Variants in TRIM8 observed in about 807,000 individuals in gnomAD.
TRIM8 encodes the protein tripartite motif containing 8.
TRIM8 carries 9 observed loss-of-function variants against 55.7 expected under a neutral mutation model. The observed-to-expected ratio is 0.16, with a 90% confidence interval of 0.10 to 0.28. TRIM8 has a LOEUF of 0.28. Ranked by LOEUF, TRIM8 falls within the 10% of genes least tolerant of loss-of-function variation. TRIM8 has a pLI of 1.00. For synonymous variants in TRIM8, 335 were observed against 333.3 expected (o/e 1.01, Z -0.06); for missense variants, 556 against 736.4 (o/e 0.76, Z 2.83).
At chr10:102,655,397 A>T in intron 3 of TRIM8, 84 bp downstream of exon 3, 1 of 1,271,968 alleles carries the variant, frequency 7.9e-7, no homozygotes, top group Non-Finnish European at 1.1e-6. Context: ...CCTGTAGCTC[A>T]CATGCCCTTA....
In TRIM8 at chr10:102,657,573, G is replaced by A; in HGVS notation, c.*219G>A. 1.8e-6 allele frequency: 1 copy of A among 567,708 alleles called. No individual in the cohort carries two copies. The highest frequency in any genetic ancestry group is 2.9e-6 in the Non-Finnish European group (1 of 343,934). The allele number at this position is 567,708 out of a possible 1,614,324, so 35.2% of individuals were successfully genotyped here. On this transcript the variant is annotated 3_prime_UTR_variant, in exon 6 of 6. Transcript: ENST00000643721. ...GACGCAGAGGTGACAGTGGGAGCTG[G>A]CCTGGGCCAGGACGGCAGGTGGCCC...
In TRIM8 at chr10:102,652,755, G is replaced by C. The variant is rs143628115; in HGVS notation, c.571-1898G>C. On this transcript the variant is annotated intron_variant, in intron 1 of 5. Coordinates refer to ENST00000643721, the MANE Select transcript of TRIM8 (RefSeq NM_030912.3). ...TAGTATCTGAGACTAGTGATACGTA[G>C]GTACTGGGCACTTGAAATGAGGTTG... 3.9e-3 allele frequency among the ~76,000 whole-genome samples: 599 copies of C among 152,052 alleles called. 1 individual carries two copies. Among genetic ancestry groups the C allele is most frequent in the Middle Eastern group, 6.8e-3 (2 of 294 alleles).
Position 102,656,191 on chromosome 10 carries a change from G to C in TRIM8, c.932+54G>C, listed in dbSNP as rs548505881. The C allele has an allele frequency of 7.4e-6, 12 of 1,614,112 alleles. No individual in the cohort carries two copies. The African/African-American group carries it at 1.1e-4, about 14-fold the overall frequency. Reference sequence around the variant, plus strand: ...GGCACATCCTGGGGAGGGCAGGGGGGCCAGGCCCATGGCGGGGAGGTAGGG... The same window carrying C: ...GGCACATCCTGGGGAGGGCAGGGGGCCCAGGCCCATGGCGGGGAGGTAGGG... On this transcript the variant is annotated intron_variant, in intron 4 of 5. Transcript: ENST00000643721. The surrounding 1 kb of genome is among the most constrained non-coding windows in gnomAD (Gnocchi z 4.6).
Position 102,656,862 on chromosome 10 carries a change from C to A in TRIM8, c.1164C>A (p.Phe388Leu). The A allele has an allele frequency of 6.4e-7, 1 of 1,563,494 alleles. No homozygotes were observed. The highest frequency in any genetic ancestry group is 8.6e-7 in the Non-Finnish European group (1 of 1,156,656). Residue 388 changes from phenylalanine (F) to leucine (L), a missense_variant, in exon 6 of 6, where the codon TTC becomes TTA. Transcript: ENST00000643721. This position sits in a 1 kb window ranked among gnomAD's most constrained non-coding sequence, Gnocchi z 4.6. ...KHSTAFPEASFLETSSGPVGG... is the reference protein window; with the variant it reads ...KHSTAFPEASLLETSSGPVGG... ...CAACGGCCTTCCCAGAGGCCAGTTT[C>A]CTAGAGACGTCGTCGGGCCCTGTGG...
chr10:102,649,778 G>T (rs1160001077), intron 1 of TRIM8, among the ~76,000 whole-genome samples: 1 of 152,218 alleles, frequency 6.6e-6, no homozygotes, highest in African/African-American at 2.4e-5. Flanking sequence ...CTGGGGTTCA[G>T]TTCACATGAT....
chr10:102,655,642 A>G (rs1024290516), intron 3 of TRIM8, among the ~76,000 whole-genome samples: 2 of 152,220 alleles, frequency 1.3e-5, no homozygotes, highest in African/African-American at 4.8e-5. Context: ...GATGTTAGGC[A>G]ATTTATGGTC....
In TRIM8 at chr10:102,656,351, C is replaced by T. The variant is rs2064024922; in HGVS notation, c.1014C>T (p.Ala338=). 3.7e-6 allele frequency: 6 copies of T among 1,613,872 alleles called. No homozygotes were observed. The Admixed American group carries it at 5.0e-5, about 13-fold the overall frequency. ...LNSKLFLNEV[A]KKEKQLRKML... Reference sequence around the variant, plus strand: ...CCAAGCTCTTCCTGAACGAAGTGGCCAAGAAGGAGAAGCAGCTGCGGAAAA... The same window carrying T: ...CCAAGCTCTTCCTGAACGAAGTGGCTAAGAAGGAGAAGCAGCTGCGGAAAA... Residue 338 remains alanine, a synonymous_variant, in exon 5 of 6, where the codon GCC becomes GCT. Transcript: ENST00000643721. The surrounding 1 kb of genome is among the most constrained non-coding windows in gnomAD (Gnocchi z 4.6).
At position 102,654,719 on chromosome 10, in the gene TRIM8, A is replaced by C. The variant is rs1286637597; in HGVS notation, c.637A>C (p.Lys213Gln). Reference protein sequence around the residue: ...REQDIEDQLYKLESDKRLVEE... With the variant: ...REQDIEDQLYQLESDKRLVEE... ...GCAGGACATTGAGGACCAGCTGTAC[A>C]AACTCGAGTCAGACAAGCGCCTGGT... Residue 213 changes from lysine to glutamine, a missense_variant, in exon 2 of 6, where the codon AAA (lysine) becomes CAA (glutamine). By Grantham distance (53) the Lys-to-Gln change is moderately conservative (BLOSUM62 1). This residue lies in a region of TRIM8 where 165 missense variants were observed against 295.3 expected (regional missense o/e 0.56). Coordinates refer to ENST00000643721, the MANE Select transcript of TRIM8 (RefSeq NM_030912.3). 1.9e-6 allele frequency: 3 copies of C among 1,614,180 alleles called. No individual in the cohort carries two copies. Among genetic ancestry groups the C allele is most frequent in the Non-Finnish European group, 1.7e-6 (2 of 1,180,006 alleles).
Position 102,657,374 on chromosome 10 carries a change from C to T in TRIM8, c.*20C>T, listed in dbSNP as rs767767471. 6 of 1,532,918 alleles carry T rather than the reference C, an allele frequency of 3.9e-6. No homozygotes were observed. Among genetic ancestry groups the T allele is most frequent in the East Asian group, 4.6e-5 (2 of 43,946 alleles). 95.0% of individuals were successfully genotyped at this position (1,532,918 alleles called of 1,614,324 possible). On this transcript the variant is annotated 3_prime_UTR_variant, in exon 6 of 6. Transcript: ENST00000643721. ...AGCTAACGCCACGCAGGCGGCGGGGCGCTGGGGAATCTTCCTCCCCAGCCC... is the reference window on the plus strand; with the variant it reads ...AGCTAACGCCACGCAGGCGGCGGGGTGCTGGGGAATCTTCCTCCCCAGCCC...
intron 1 of TRIM8, among the ~76,000 whole-genome samples, chr10:102,650,602 G>T (rs1047770866): frequency 6.6e-6 from 1 of 152,190 alleles, no homozygotes; most frequent in African/African-American, 2.4e-5. Flanking sequence ...TCCAGTGTAC[G>T]CAGTCCAGGC....
intron 1 of TRIM8, among the ~76,000 whole-genome samples, chr10:102,648,932 C>T (rs994387905): frequency 6.6e-6 from 1 of 152,204 alleles, no homozygotes; most frequent in Non-Finnish European, 1.5e-5. Context: ...CCCACCCCTA[C>T]CCCAGGATCC....
rs2064042748 is a variant in TRIM8 at position 102,657,952 on chromosome 10, C to G, written c.*598C>G. 1 of 152,576 alleles carries G rather than the reference C, an allele frequency of 6.6e-6. No homozygotes were observed. 9.5% of individuals were successfully genotyped at this position (152,576 alleles called of 1,614,324 possible). A position where few individuals can be genotyped will look rare whatever the true frequency, so the allele number is the denominator to read the frequency against. On this transcript the variant is annotated 3_prime_UTR_variant, in exon 6 of 6. Coordinates refer to ENST00000643721, the MANE Select transcript of TRIM8 (RefSeq NM_030912.3). ...AGTTCAAAGGCCACTTCTCAAGCAG[C>G]TTTTGGCACCTTCAGCCTCAGAGTG...
chr10:102,654,085 A>T (rs1287746270), intron 1 of TRIM8: 1 of 153,290 alleles, frequency 6.5e-6, no homozygotes, highest in Admixed American at 6.5e-5. Flanking sequence ...TCTGTACAGG[A>T]AAAGTGTTTA....
chr10:102,648,849 C>G (rs2063957135), intron 1 of TRIM8, among the ~76,000 whole-genome samples: 1 of 152,130 alleles, frequency 6.6e-6, no homozygotes, highest in South Asian at 2.1e-4. Context: ...ACCCCCGAGT[C>G]TTCGTGGAAG....
Position 102,647,645 on chromosome 10 carries a change from C to A in TRIM8, c.570+2458C>A, listed in dbSNP as rs558658781. Among the ~76,000 whole-genome samples, 205 of 152,246 alleles carry A rather than the reference C, an allele frequency of 1.3e-3. 1 individual carries two copies. The highest frequency in any genetic ancestry group is 4.8e-3 in the African/African-American group (198 of 41,544). ...TCTTCCTTGGCCCCTTTTCTCTTCCCGGAGGGAGTCTGCCTTAAAGGGCCT... is the reference window on the plus strand; with the variant it reads ...TCTTCCTTGGCCCCTTTTCTCTTCCAGGAGGGAGTCTGCCTTAAAGGGCCT... On this transcript the variant is annotated intron_variant, in intron 1 of 5. Transcript: ENST00000643721.
At chr10:102,647,837 C>T (rs983814923) in intron 1 of TRIM8, among the ~76,000 whole-genome samples, 6 of 152,210 alleles carry the variant, frequency 3.9e-5, no homozygotes, top group African/African-American at 9.7e-5. Context: ...ATAGGAAACT[C>T]TGATTAACCC....
In TRIM8 at chr10:102,657,405, C is replaced by A; in HGVS notation, c.*51C>A. On this transcript the variant is annotated 3_prime_UTR_variant, in exon 6 of 6. Coordinates refer to ENST00000643721, the MANE Select transcript of TRIM8 (RefSeq NM_030912.3). ...GGAATCTTCCTCCCCAGCCCCCGGG[C>A]TCGGGAGTTATGCATCCAGAGACCT... The A allele has an allele frequency of 1.3e-6, 2 of 1,516,546 alleles. No individual in the cohort carries two copies. The highest frequency in any genetic ancestry group is 2.2e-5 in the Admixed American group (1 of 45,252). The allele number at this position is 1,516,546 out of a possible 1,614,324, so 93.9% of individuals were successfully genotyped here. A position where few individuals can be genotyped will look rare whatever the true frequency, so the allele number is the denominator to read the frequency against.
In TRIM8 at chr10:102,644,726, G is replaced by A; in HGVS notation, c.109G>A (p.Gly37Ser). The A allele has an allele frequency of 6.2e-7, 1 of 1,613,434 alleles. No individual in the cohort carries two copies. The highest frequency in any genetic ancestry group is 1.1e-5 in the South Asian group (1 of 91,056). ...GCCGTGCAAACACAACTTCTGCCGG[G>A]GCTGCATCGGCGAGGCGTGGGCCAA... is the stretch of plus-strand genomic sequence containing the variant. ...QLPCKHNFCR[G>S]CIGEAWAKDS... The change falls in exon 1 of 6, where the codon GGC becomes AGC. Residue 37 changes from glycine (G) to serine (S), a missense_variant. Gly to Ser is a moderately conservative substitution (Grantham distance 56). Coordinates refer to ENST00000643721, the MANE Select transcript of TRIM8 (RefSeq NM_030912.3).
At chr10:102,654,592 A>T (rs967662818) in intron 1 of TRIM8, 61 bp from the exon 2 acceptor site, 10 of 1,288,252 alleles carry the variant, frequency 7.8e-6, no homozygotes, top group Non-Finnish European at 1.1e-5. Context: ...GTGTAGAGGG[A>T]AGCATGGGTC....
Sources: allele counts gnomAD v4.1 joint callset (sites outside exome capture counted in the v4.1 genomes callset), GRCh38; gene constraint gnomAD v4.1.1; regional missense constraint gnomAD v4.1.1; non-coding constraint Gnocchi (gnomAD v3.1); transcripts MANE v1.5; gene names NCBI Gene and HGNC (gene_info 2026-07-23, HGNC 2026-07-21).